MSRA: variants seen among roughly 807,000 people sequenced by gnomAD.
The protein encoded by MSRA is methionine sulfoxide reductase A.
MSRA carries 54 observed loss-of-function variants against 31.3 expected under a neutral mutation model. The observed-to-expected ratio is 1.73, with a 90% CI of 1.39 to 2.17. The LOEUF is 2.17. Among genes scored for constraint, MSRA ranks in the 30% most tolerant of loss-of-function variants. MSRA has a pLI of 0.00. For missense variants in MSRA, 507 were observed against 300.9 expected (o/e 1.69, Z -5.07); for synonymous variants, 169 against 116.5 (o/e 1.45, Z -2.90).
At chr8:10,242,879 A>C (rs542399542) in intron 2 of MSRA, among the ~76,000 whole-genome samples, 27 of 152,112 alleles carry the variant, frequency 1.8e-4, no homozygotes, top group Admixed American at 3.9e-4. Context: ...GTGGACATTG[A>C]CCATATTCCA....
intron 1 of MSRA, among the ~76,000 whole-genome samples, chr8:10,144,162 A>G (rs1196620750): frequency 1.3e-5 from 2 of 152,150 alleles, no homozygotes; most frequent in African/African-American, 4.8e-5. Flanking sequence ...GGAACATAGG[A>G]GCGGTGAAGT....
chr8:10,345,067 C>G (rs1482252302), intron 5 of MSRA, among the ~76,000 whole-genome samples: 2 of 152,070 alleles, frequency 1.3e-5, no homozygotes, highest in Admixed American at 6.5e-5. Flanking sequence ...GTCTTTCCCC[C>G]TCAAGGTTAG....
intron 5 of MSRA, among the ~76,000 whole-genome samples, chr8:10,334,227 TAC>T (rs772777985): frequency 9.2e-5 from 14 of 151,732 alleles, no homozygotes; most frequent in African/African-American, 3.4e-4. Context: ...TGGGTATATA[TAC>T]ACACACATTT....
At chr8:10,082,286 C>T (rs1025079666) in intron 1 of MSRA, among the ~76,000 whole-genome samples, 8 of 152,250 alleles carry the variant, frequency 5.3e-5, no homozygotes, top group African/African-American at 1.9e-4. Flanking sequence ...ATGTCCTAGA[C>T]TTTCCTGAAG....
chr8:10,061,489 A>G (rs2128912537), intron 1 of MSRA, among the ~76,000 whole-genome samples: 1 of 152,192 alleles, frequency 6.6e-6, no homozygotes, highest in South Asian at 2.1e-4. Context: ...TTTCTATGGC[A>G]TCTTGCGTTG....
chr8:10,321,168 C>A (rs968018544), intron 5 of MSRA, among the ~76,000 whole-genome samples: 5 of 152,160 alleles, frequency 3.3e-5, no homozygotes, highest in Admixed American at 6.5e-5. Context: ...GTTTTAAAAA[C>A]AAGTTGACTT....
At chr8:10,231,034 C>T (rs1476231351) in intron 2 of MSRA, among the ~76,000 whole-genome samples, 1 of 152,216 alleles carries the variant, frequency 6.6e-6, no homozygotes, top group South Asian at 2.1e-4. Context: ...ATTCCCCCCA[C>T]CTTGGCCTCC....
intron 1 of MSRA, among the ~76,000 whole-genome samples, chr8:10,128,528 A>G (rs867356900): frequency 1.3e-5 from 2 of 152,038 alleles, no homozygotes; most frequent in African/African-American, 4.8e-5. Flanking sequence ...TTAATGTATC[A>G]TTCTCCTGGG....
intron 5 of MSRA, among the ~76,000 whole-genome samples, chr8:10,408,512 C>G (rs947412656): frequency 1.3e-5 from 2 of 152,008 alleles, no homozygotes; most frequent in Non-Finnish European, 2.9e-5. Context: ...TACAATCCAG[C>G]CTGGGCAACA....
intron 1 of MSRA, among the ~76,000 whole-genome samples, chr8:10,157,552 T>G (rs545109929): frequency 6.6e-6 from 1 of 152,088 alleles, no homozygotes; most frequent in South Asian, 2.1e-4. Context: ...GGCTGGGTTA[T>G]TAGGGGTCTG....
chr8:10,157,182 T>C (rs916178214), intron 1 of MSRA, among the ~76,000 whole-genome samples: 3 of 152,172 alleles, frequency 2.0e-5, no homozygotes. Flanking sequence ...TTACATAGTT[T>C]CTAATGGGAT....
chr8:10,425,789 T>C (rs1276278148), intron 5 of MSRA, among the ~76,000 whole-genome samples: 1 of 152,268 alleles, frequency 6.6e-6, no homozygotes, highest in Non-Finnish European at 1.5e-5. Flanking sequence ...AGTAAGCCTG[T>C]GAATCCCACT....
intron 3 of MSRA, among the ~76,000 whole-genome samples, chr8:10,251,833 T>G (rs58868895): frequency 0.31 from 46,355 of 149,388 alleles, 7,264 homozygotes; most frequent in Admixed American, 0.39. Flanking sequence ...TTCTCTACCA[T>G]CGGCACCCCT....
chr8:10,098,585 A>G (rs993798634), intron 1 of MSRA, among the ~76,000 whole-genome samples: 1 of 152,214 alleles, frequency 6.6e-6, no homozygotes, highest in Admixed American at 6.5e-5. Context: ...AGATAGAAAA[A>G]GGCAGTACTA....
At chr8:10,411,091 C>T (rs923666562) in intron 5 of MSRA, 1 of 152,122 alleles carries the variant, frequency 6.6e-6, no homozygotes, top group East Asian at 1.9e-4. Flanking sequence ...TCCATCTGAC[C>T]TCCACTCAGG....
intron 5 of MSRA, among the ~76,000 whole-genome samples, chr8:10,402,281 G>T (rs1807513201): frequency 6.6e-6 from 1 of 152,212 alleles, no homozygotes. Flanking sequence ...AGGGGGCTGA[G>T]CCTACCCCTG....
intron 2 of MSRA, among the ~76,000 whole-genome samples, chr8:10,235,969 A>G (rs1462229092): frequency 6.6e-6 from 1 of 152,224 alleles, no homozygotes; most frequent in African/African-American, 2.4e-5. Context: ...ATTTACTGAA[A>G]GATGATTTAG....
At chr8:10,071,191 C>G (rs1797715835) in intron 1 of MSRA, among the ~76,000 whole-genome samples, 1 of 152,170 alleles carries the variant, frequency 6.6e-6, no homozygotes, top group Non-Finnish European at 1.5e-5. Flanking sequence ...TTTATTTTAG[C>G]CATTCTGATA....
intron 4 of MSRA, among the ~76,000 whole-genome samples, chr8:10,313,827 G>A (rs1051642085): frequency 4.6e-5 from 7 of 152,206 alleles, no homozygotes; most frequent in African/African-American, 1.7e-4. Context: ...ATCTGATGTA[G>A]GGACAAATGA....
Sources: gnomAD v4.1 joint callset for allele counts (sites outside exome capture counted in the v4.1 genomes callset) on GRCh38, gnomAD v4.1.1 for gene constraint, MANE v1.5 for transcripts, NCBI Gene and HGNC (gene_info 2026-07-23, HGNC 2026-07-21) for gene names.